SGCD: variants seen among roughly 807,000 people sequenced by gnomAD.
SGCD encodes delta-sarcoglycan.
A neutral mutation model predicts 36.6 loss-of-function variants in SGCD; 18 were observed. The observed-to-expected ratio is 0.49, with a 90% CI of 0.34 to 0.73. SGCD has a LOEUF of 0.73. Among genes scored for constraint, SGCD ranks in the 30% least tolerant of loss-of-function variants. The pLI, the probability that SGCD is intolerant of heterozygous loss-of-function variation, is 0.01. For synonymous variants in SGCD, 133 were observed against 130.6 expected (o/e 1.02, Z -0.12); for missense variants, 387 against 346.7 (o/e 1.12, Z -0.92).
chr5:155,731,183 A>G, the SGCD span, among the ~76,000 whole-genome samples: 26 of 151,748 alleles, frequency 1.7e-4, no homozygotes, highest in African/African-American at 6.1e-4. Flanking sequence ...ACACAGAGAT[A>G]GAAAGAGAGA....
At chr5:155,762,354 T>C in the SGCD span, among the ~76,000 whole-genome samples, 1 of 152,226 alleles carries the variant, frequency 6.6e-6, no homozygotes, top group Non-Finnish European at 1.5e-5. Flanking sequence ...AAAACTTCTA[T>C]GATTTTCTGA....
At chr5:155,777,381 G>C in the SGCD span, among the ~76,000 whole-genome samples, 1 of 149,816 alleles carries the variant, frequency 6.7e-6, no homozygotes, top group Non-Finnish European at 1.5e-5. Flanking sequence ...TTTTTAGACA[G>C]GATCTAGCTC....
At chr5:156,473,963 T>TGTGG (rs1485750258) in intron 3 of SGCD, among the ~76,000 whole-genome samples, 1 of 147,910 alleles carries the variant, frequency 6.8e-6, no homozygotes, top group African/African-American at 2.6e-5. Flanking sequence ...TTTTTTTGTG[T>TGTGG]GTGGGTTTTT....
chr5:156,208,413 T>C (rs1434295364), intron 3 of SGCD, among the ~76,000 whole-genome samples: 1 of 152,210 alleles, frequency 6.6e-6, no homozygotes, highest in African/African-American at 2.4e-5. Context: ...CCTTTTAGGG[T>C]TGACTGCCAG....
At chr5:155,942,237 G>A (rs1470588582) in intron 1 of SGCD, among the ~76,000 whole-genome samples, 2 of 152,180 alleles carry the variant, frequency 1.3e-5, no homozygotes, top group African/African-American at 4.8e-5. Context: ...GGGTATGGCA[G>A]TGGATAAGTT....
the SGCD span, among the ~76,000 whole-genome samples, chr5:155,730,994 G>A: frequency 6.6e-6 from 1 of 152,182 alleles, no homozygotes; most frequent in Non-Finnish European, 1.5e-5. Flanking sequence ...GAGCCTTGAC[G>A]TTTGAAAGGG....
At chr5:155,882,094 ATACTAT>A (rs1410505446) in intron 1 of SGCD, among the ~76,000 whole-genome samples, 3 of 151,958 alleles carry the variant, frequency 2.0e-5, no homozygotes, top group Non-Finnish European at 2.9e-5. Context: ...CCCATGAATC[ATACTAT>A]TATTATTATT....
At chr5:156,219,790 TTAA>T (rs1369507958) in intron 3 of SGCD, among the ~76,000 whole-genome samples, 1 of 152,204 alleles carries the variant, frequency 6.6e-6, no homozygotes, top group Non-Finnish European at 1.5e-5. Flanking sequence ...GTGGAAATAG[TTAA>T]TAATCTCATC....
chr5:155,728,546 C>T, the SGCD span, among the ~76,000 whole-genome samples: 18 of 152,230 alleles, frequency 1.2e-4, no homozygotes, highest in Non-Finnish European at 8.8e-5. Flanking sequence ...GCGCTGTCTG[C>T]TCCAGCCGCT....
At chr5:155,915,470 A>G (rs1045104429) in intron 1 of SGCD, among the ~76,000 whole-genome samples, 4 of 152,202 alleles carry the variant, frequency 2.6e-5, no homozygotes, top group African/African-American at 9.6e-5. Context: ...CATAGGGCCT[A>G]GAAGAAAAAA....
intron 1 of SGCD, among the ~76,000 whole-genome samples, chr5:156,032,766 C>T (rs1043721515): frequency 5.0e-5 from 7 of 140,242 alleles, no homozygotes; most frequent in Non-Finnish European, 7.6e-5. Context: ...ACACCTAGCA[C>T]CAGGCAGAAG....
At chr5:155,823,913 C>G in the SGCD span, among the ~76,000 whole-genome samples, 1 of 152,222 alleles carries the variant, frequency 6.6e-6, no homozygotes, top group East Asian at 1.9e-4. Context: ...CCCAGATTAC[C>G]GCATGAGGAC....
intron 7 of SGCD, among the ~76,000 whole-genome samples, chr5:156,673,493 T>C (rs1753387073): frequency 1.3e-5 from 2 of 152,204 alleles, no homozygotes; most frequent in African/African-American, 2.4e-5. Context: ...GTTATACCTT[T>C]CATTGCCGCT....
At chr5:155,880,018 T>A (rs79531267) in intron 1 of SGCD, among the ~76,000 whole-genome samples, 1 of 152,306 alleles carries the variant, frequency 6.6e-6, no homozygotes, top group Non-Finnish European at 1.5e-5. Context: ...TCATCCATAT[T>A]TGTCTAGTGA....
upstream of SGCD, among the ~76,000 whole-genome samples, chr5:155,866,795 GA>G (rs1428652020): frequency 6.6e-6 from 1 of 152,102 alleles, no homozygotes; most frequent in Non-Finnish European, 1.5e-5. Context: ...AGGCCTGTCT[GA>G]CCCAAAGTTT....
chr5:156,005,216 A>T (rs1758732658), intron 1 of SGCD, among the ~76,000 whole-genome samples: 1 of 152,102 alleles, frequency 6.6e-6, no homozygotes. Context: ...AAGGATCCCG[A>T]TACTCTCTTG....
chr5:155,728,579 A>G, the SGCD span, among the ~76,000 whole-genome samples: 2 of 152,236 alleles, frequency 1.3e-5, no homozygotes, highest in Non-Finnish European at 2.9e-5. Context: ...AAGCAGCGCG[A>G]TGCTGCTTCG....
chr5:155,748,441 A>G, the SGCD span, among the ~76,000 whole-genome samples: 3 of 152,100 alleles, frequency 2.0e-5, no homozygotes, highest in African/African-American at 7.2e-5. Flanking sequence ...TACCACAGAC[A>G]TACCTGAGGC....
intron 3 of SGCD, among the ~76,000 whole-genome samples, chr5:156,351,187 C>T (rs897653206): frequency 6.6e-6 from 1 of 152,068 alleles, no homozygotes; most frequent in Admixed American, 6.6e-5. Context: ...TTGCATTGTT[C>T]CCACCTTGTG....
Sources: allele counts gnomAD v4.1 joint callset (sites outside exome capture counted in the v4.1 genomes callset), GRCh38; gene constraint gnomAD v4.1.1; transcripts MANE v1.5; gene names NCBI Gene and HGNC (gene_info 2026-07-23, HGNC 2026-07-21).